Variants in GRK3 observed in about 807,000 individuals in gnomAD.
The protein encoded by GRK3 is adrenergic, beta, receptor kinase 2.
In GRK3, 54 loss-of-function variants were observed where a neutral mutation model predicts 95.7. That is an observed-to-expected ratio of 0.56 (90% confidence interval 0.45 to 0.71). GRK3 has a LOEUF of 0.71. Among genes scored for constraint, GRK3 ranks in the 30% least tolerant of loss-of-function variants. The pLI is 0.00. For missense variants in GRK3, 649 were observed against 851.2 expected (o/e 0.76, Z 2.96); for synonymous variants, 281 against 290.8 (o/e 0.97, Z 0.34).
chr22:25,615,819 C>G (rs2084533637), intron 2 of GRK3, among the ~76,000 whole-genome samples: 1 of 146,478 alleles, frequency 6.8e-6, no homozygotes, highest in Non-Finnish European at 1.5e-5. Context: ...TGGCTTTAAA[C>G]AGGGTGTTTT....
Position 25,728,871 on chromosome 22 carries a change from C to A in GRK3, c.*6421C>A, listed in dbSNP as rs927536392. 3 of 152,114 alleles carry A rather than the reference C, an allele frequency of 2.0e-5. No homozygotes were observed. Among genetic ancestry groups the A allele is most frequent in the Non-Finnish European group, 4.4e-5 (3 of 68,002 alleles). 9.4% of individuals were successfully genotyped at this position (152,114 alleles called of 1,614,324 possible). A position where few individuals can be genotyped will look rare whatever the true frequency, so the allele number is the denominator to read the frequency against. ...CCTGTCTCTGTGAGAGAACGTGCCT[C>A]CTCACTCATTTGTCTCTGTCTGTTT... On this transcript the variant is annotated 3_prime_UTR_variant, in exon 21 of 21. Coordinates refer to ENST00000324198, the MANE Select transcript of GRK3 (RefSeq NM_005160.4).
intron 2 of GRK3, among the ~76,000 whole-genome samples, chr22:25,640,245 T>A (rs896076879): frequency 1.3e-5 from 2 of 152,220 alleles, no homozygotes; most frequent in African/African-American, 2.4e-5. Flanking sequence ...CATTGTATTT[T>A]GTTTGTCTCA....
Position 25,687,657 on chromosome 22 carries a change from G to A in GRK3, c.947G>A (p.Arg316Lys). Residue 316 changes from arginine to lysine, a missense_variant, in exon 11 of 21, where the codon AGA becomes AAA. Arg to Lys is a conservative substitution (Grantham distance 26). Transcript: ENST00000324198. ...ATGCACAATCGGTTTGTTGTCTACAGAGATTTGAAGGTGAGGACGATTGAC... is the reference window on the plus strand; with the variant it reads ...ATGCACAATCGGTTTGTTGTCTACAAAGATTTGAAGGTGAGGACGATTGAC... Reference protein sequence around the residue: ...EHMHNRFVVYRDLKPANILLD... With the variant: ...EHMHNRFVVYKDLKPANILLD... 1 of 1,614,152 alleles carries A rather than the reference G, an allele frequency of 6.2e-7. No homozygotes were observed. Among genetic ancestry groups the A allele is most frequent in the Non-Finnish European group, 8.5e-7 (1 of 1,180,016 alleles).
At chr22:25,655,778 A>T (rs1206456890) in intron 3 of GRK3, among the ~76,000 whole-genome samples, 1 of 152,208 alleles carries the variant, frequency 6.6e-6, no homozygotes, top group Non-Finnish European at 1.5e-5. Flanking sequence ...TGAGGCTGTC[A>T]TAGTATGAGG....
At chr22:25,707,572 G>T (rs2085309798) in intron 15 of GRK3, among the ~76,000 whole-genome samples, 1 of 152,132 alleles carries the variant, frequency 6.6e-6, no homozygotes, top group South Asian at 2.1e-4. Flanking sequence ...CTGTGTGGAG[G>T]ACGAGGTGCC....
At chr22:25,623,841 C>T (rs1192060589) in intron 2 of GRK3, among the ~76,000 whole-genome samples, 30 of 152,204 alleles carry the variant, frequency 2.0e-4, no homozygotes, top group Admixed American at 2.0e-3. Flanking sequence ...TACTCTGACC[C>T]AGATAGTTCA....
intron 8 of GRK3, among the ~76,000 whole-genome samples, chr22:25,677,261 A>C (rs2085037195): frequency 6.6e-6 from 1 of 151,808 alleles, no homozygotes; most frequent in African/African-American, 2.4e-5. Flanking sequence ...GCTATGCTCC[A>C]GCTACTCTGG....
intron 4 of GRK3, among the ~76,000 whole-genome samples, chr22:25,663,340 T>G (rs1377577242): frequency 6.6e-6 from 1 of 152,136 alleles, no homozygotes; most frequent in Non-Finnish European, 1.5e-5. Flanking sequence ...ATAGGATTCT[T>G]TACACTTTAT....
At chr22:25,575,707 C>T (rs1931866730) in intron 1 of GRK3, among the ~76,000 whole-genome samples, 1 of 152,038 alleles carries the variant, frequency 6.6e-6, no homozygotes, top group Non-Finnish European at 1.5e-5. Flanking sequence ...TTAGTTTTTA[C>T]AATTATGCTT....
At chr22:25,659,667 TTGGTA>T (rs1309250255) in intron 3 of GRK3, among the ~76,000 whole-genome samples, 3 of 152,216 alleles carry the variant, frequency 2.0e-5, no homozygotes, top group Admixed American at 6.5e-5. Context: ...TTTAGAGCTA[TTGGTA>T]GTCGACTGCA....
intron 8 of GRK3, among the ~76,000 whole-genome samples, chr22:25,677,377 T>TAAAAAAA (rs376997700): frequency 6.6e-4 from 28 of 42,508 alleles, no homozygotes; most frequent in Admixed American, 1.4e-3. Flanking sequence ...CCCCATATCT[T>TAAAAAAA]AAAAAAAAAA....
chr22:25,696,696 G>A (rs2085211578), intron 13 of GRK3, among the ~76,000 whole-genome samples: 1 of 152,192 alleles, frequency 6.6e-6, no homozygotes, highest in Non-Finnish European at 1.5e-5. Context: ...ACATTCTGGA[G>A]AGAGGCTGAA....
chr22:25,663,862 C>T, intron 5 of GRK3, among the ~76,000 whole-genome samples, 158 bp downstream of exon 5: 1 of 152,350 alleles, frequency 6.6e-6, no homozygotes, highest in South Asian at 2.1e-4. Flanking sequence ...TTTATTATCG[C>T]TTATCTTCCC....
chr22:25,622,307 G>A (rs977918191), intron 2 of GRK3, among the ~76,000 whole-genome samples: 5 of 152,194 alleles, frequency 3.3e-5, no homozygotes, highest in Admixed American at 6.5e-5. Flanking sequence ...GGCGGGATGC[G>A]GGGATCAGCT....
intron 2 of GRK3, 80 bp downstream of exon 2, chr22:25,604,533 C>G (rs1268847027): frequency 2.2e-5 from 20 of 900,640 alleles, no homozygotes; most frequent in Non-Finnish European, 3.3e-5. Flanking sequence ...ATGAATGCAC[C>G]CCCTAGTGCT....
chr22:25,684,070 T>G (rs927006229), intron 9 of GRK3, among the ~76,000 whole-genome samples: 1 of 152,232 alleles, frequency 6.6e-6, no homozygotes, highest in Non-Finnish European at 1.5e-5. Flanking sequence ...CATATTTTAT[T>G]GTACAGATAT....
intron 8 of GRK3, among the ~76,000 whole-genome samples, chr22:25,677,186 C>T (rs188263161): frequency 6.6e-6 from 1 of 151,412 alleles, no homozygotes; most frequent in East Asian, 1.9e-4. Flanking sequence ...CATAATGAGA[C>T]TCTCATCTCT....
chr22:25,660,735 G>A (rs2084904200), intron 3 of GRK3, among the ~76,000 whole-genome samples: 2 of 152,158 alleles, frequency 1.3e-5, no homozygotes, highest in South Asian at 4.1e-4. Context: ...GAAGATCTTT[G>A]TGACAGTTTC....
rs1211832459 is a variant in GRK3 at position 25,672,346 on chromosome 22, A to G, written c.554A>G (p.His185Arg). ...CQWKNVELNI[H>R]LTMNEFSVHR... ...TGGAAAAACGTTGAATTAAATATCC[A>G]TGTGAGTATCATCTTTTTCTTTTTT... is the stretch of plus-strand genomic sequence containing the variant. Residue 185 changes from histidine to arginine, a missense_variant and splice_region_variant, in exon 7 of 21, where the codon CAT (histidine) becomes CGT (arginine). Physicochemically the swap from His to Arg is conservative, Grantham distance 29 (BLOSUM62 0). Transcript: ENST00000324198. 2.1e-6 allele frequency: 3 copies of G among 1,447,872 alleles called. No homozygotes were observed. The highest frequency in any genetic ancestry group is 2.3e-5 in the East Asian group (1 of 43,288). The allele number at this position is 1,447,872 out of a possible 1,614,324, so 89.7% of individuals were successfully genotyped here. A position where few individuals can be genotyped will look rare whatever the true frequency, so the allele number is the denominator to read the frequency against.
Sources: gnomAD v4.1 joint callset for allele counts (sites outside exome capture counted in the v4.1 genomes callset) on GRCh38, gnomAD v4.1.1 for gene constraint, MANE v1.5 for transcripts, NCBI Gene and HGNC (gene_info 2026-07-23, HGNC 2026-07-21) for gene names.